KAZN: variants seen among roughly 807,000 people sequenced by gnomAD.
KAZN encodes kazrin.
In KAZN, 40 loss-of-function variants were observed where a neutral mutation model predicts 87.4. The observed-to-expected ratio is 0.46, with a 90% CI of 0.36 to 0.60. The LOEUF (loss-of-function observed/expected upper bound fraction) is 0.60, where lower values mean the gene tolerates loss of function less well. Ranked by LOEUF, KAZN falls within the 20% of genes least tolerant of loss-of-function variation. The pLI is 0.00. For missense variants in KAZN, 898 were observed against 1,073.9 expected, an observed-to-expected ratio of 0.84 and a Z score of 2.29; for synonymous variants, 466 against 458.3, an observed-to-expected ratio of 1.02 and a Z score of -0.22.
intron 2 of KAZN, among the ~76,000 whole-genome samples, chr1:14,488,977 C>T (rs1024442913): frequency 1.3e-5 from 2 of 152,170 alleles, no homozygotes; most frequent in Non-Finnish European, 2.9e-5. Flanking sequence ...GGTAAGGGTG[C>T]AGTAAATGTT....
intron 2 of KAZN, among the ~76,000 whole-genome samples, chr1:14,560,346 G>A (rs1282694557): frequency 6.6e-6 from 1 of 152,078 alleles, no homozygotes; most frequent in African/African-American, 2.4e-5. Flanking sequence ...AGCTACCTGC[G>A]AGTCAGGTGG....
intron 2 of KAZN, among the ~76,000 whole-genome samples, chr1:14,442,598 G>A (rs540522252): frequency 7.9e-5 from 12 of 152,312 alleles, no homozygotes; most frequent in African/African-American, 1.7e-4. Flanking sequence ...GGGTGCACCC[G>A]ATAGGAAAAG....
chr1:14,594,883 T>C (rs1008056763), upstream of KAZN, among the ~76,000 whole-genome samples: 2 of 152,068 alleles, frequency 1.3e-5, no homozygotes, highest in African/African-American at 4.8e-5. Context: ...CCAAGGCACT[T>C]AGAACTGCTT....
chr1:14,194,655 G>A (rs755266777), intron 2 of KAZN, among the ~76,000 whole-genome samples: 4 of 152,216 alleles, frequency 2.6e-5, no homozygotes, highest in Non-Finnish European at 4.4e-5. Context: ...TTCACTGAGT[G>A]CTATGTGCCA....
In KAZN at chr1:14,083,947, A is replaced by T. The variant is rs577159467; in HGVS notation, c.92-96488A>T. Among the ~76,000 whole-genome samples the T allele has an allele frequency of 2.6e-4, 39 of 152,348 alleles. No individual in the cohort carries two copies. The East Asian group carries it at 5.0e-3, about 20-fold the overall frequency. On this transcript the variant is annotated intron_variant, in intron 1 of 16. Coordinates refer to the KAZN transcript ENST00000636203. ...TGTCCTAGGACCTGTGAGCAAAACA[A>T]ACATGGTGTGTTCTGTAGTACAGTT...
intron 2 of KAZN, among the ~76,000 whole-genome samples, chr1:14,548,198 ATTT>A (rs1199211988): frequency 2.3e-5 from 3 of 132,928 alleles, no homozygotes; most frequent in Non-Finnish European, 1.6e-5. Context: ...CTCTTCGTGC[ATTT>A]TTTTTTTTTT....
chr1:14,736,299 GTA>G (rs1158524467), intron 1 of KAZN, among the ~76,000 whole-genome samples: 171 of 121,116 alleles, frequency 1.4e-3, no homozygotes, highest in Middle Eastern at 4.5e-3. Context: ...GTGTGTGTGT[GTA>G]TATTTTTTTT....
At chr1:14,624,346 CGGGAGG>C (rs1173815283) in intron 1 of KAZN, among the ~76,000 whole-genome samples, 6 of 151,774 alleles carry the variant, frequency 4.0e-5, no homozygotes, top group African/African-American at 1.5e-4. Context: ...CGCTTGAATC[CGGGAGG>C]CGGAGGTTGC....
intron 1 of KAZN, among the ~76,000 whole-genome samples, chr1:14,812,287 TC>T (rs1175971508): frequency 3.3e-5 from 5 of 152,118 alleles, no homozygotes; most frequent in African/African-American, 1.2e-4. Flanking sequence ...AGAGAGGAGC[TC>T]AGACTACATT....
At chr1:14,642,387 G>A (rs541017087) in intron 1 of KAZN, among the ~76,000 whole-genome samples, 4 of 152,096 alleles carry the variant, frequency 2.6e-5, no homozygotes, top group Non-Finnish European at 5.9e-5. Context: ...GTGACAGAGT[G>A]AGACTCCATC....
chr1:14,759,658 C>A (rs150497810), intron 1 of KAZN, among the ~76,000 whole-genome samples: 1 of 152,074 alleles, frequency 6.6e-6, no homozygotes, highest in Admixed American at 6.5e-5. Flanking sequence ...TATTTCATGA[C>A]CACTGGCAGG....
At chr1:14,433,615 T>C (rs1000931272) in intron 2 of KAZN, among the ~76,000 whole-genome samples, 12 of 152,174 alleles carry the variant, frequency 7.9e-5, no homozygotes, top group African/African-American at 2.4e-4. Flanking sequence ...CCCAGCACTT[T>C]GGGAGGCCAA....
chr1:15,025,495 C>T (rs1337758273), intron 2 of KAZN, among the ~76,000 whole-genome samples: 2 of 152,254 alleles, frequency 1.3e-5, no homozygotes, highest in Non-Finnish European at 1.5e-5. Context: ...AGCTGGCAAA[C>T]CTGCCCTGTT....
chr1:14,004,020 A>G (rs1323399164), intron 1 of KAZN, among the ~76,000 whole-genome samples: 1 of 152,232 alleles, frequency 6.6e-6, no homozygotes, highest in Non-Finnish European at 1.5e-5. Flanking sequence ...CTTACAAATC[A>G]ATAATAAGAA....
At chr1:14,381,425 GAACAA>G (rs1661361441) in intron 2 of KAZN, among the ~76,000 whole-genome samples, 1 of 151,648 alleles carries the variant, frequency 6.6e-6, no homozygotes, top group African/African-American at 2.4e-5. Context: ...CAAAAATATT[GAACAA>G]AACACTAGAA....
intron 1 of KAZN, among the ~76,000 whole-genome samples, chr1:13,934,381 G>C (rs1008946028): frequency 6.6e-6 from 1 of 152,298 alleles, no homozygotes; most frequent in Admixed American, 6.5e-5. Context: ...CATAAGCATA[G>C]ATAAGCCTGC....
chr1:14,873,573 G>A (rs1177022291), intron 1 of KAZN, among the ~76,000 whole-genome samples: 3 of 152,238 alleles, frequency 2.0e-5, no homozygotes, highest in Non-Finnish European at 2.9e-5. Context: ...AATGTAAAAG[G>A]AGAGGAGGTC....
At chr1:14,326,698 T>C (rs75738693) in intron 2 of KAZN, among the ~76,000 whole-genome samples, 4,460 of 152,272 alleles carry the variant, frequency 0.029, 110 homozygotes, top group East Asian at 0.14. Flanking sequence ...TGTGCTTGGG[T>C]CACCCTGGAC....
At chr1:14,714,649 C>T (rs1642683936) in intron 1 of KAZN, among the ~76,000 whole-genome samples, 3 of 152,134 alleles carry the variant, frequency 2.0e-5, no homozygotes, top group Non-Finnish European at 4.4e-5. Context: ...AGCTGCTGGA[C>T]ATAAGAACAG....
Sources: allele counts gnomAD v4.1 joint callset (sites outside exome capture counted in the v4.1 genomes callset), GRCh38; gene constraint gnomAD v4.1.1; transcripts MANE v1.5; gene names NCBI Gene and HGNC (gene_info 2026-07-23, HGNC 2026-07-21).